Variants in CRAMP1 observed in about 807,000 individuals in gnomAD.
The protein encoded by CRAMP1 is protein cramped-like.
CRAMP1 carries 50 observed loss-of-function variants against 115.4 expected under a neutral mutation model. The ratio of observed to expected loss-of-function variants is 0.43; its 90% CI spans 0.35 to 0.55. CRAMP1 has a LOEUF of 0.55. Ranked by LOEUF, CRAMP1 falls within the 20% of genes least tolerant of loss-of-function variation. The pLI is 0.01. For missense variants in CRAMP1, 1,679 were observed against 1,721.7 expected (o/e 0.98, Z 0.44); for synonymous variants, 866 against 745.4 (o/e 1.16, Z -2.64).
chr16:1,665,818 G>A, intron 14 of CRAMP1: 1 of 501,874 alleles, frequency 2.0e-6, no homozygotes, highest in Non-Finnish European at 3.6e-6. Flanking sequence ...CATTTCCGCA[G>A]GATGACAGTG....
Position 1,652,693 on chromosome 16 carries a change from G to A in CRAMP1, c.913+112G>A, listed in dbSNP as rs1596492340. The A allele has an allele frequency of 5.2e-6, 5 of 955,514 alleles. No individual in the cohort carries two copies. The East Asian group carries it at 1.3e-4, about 25-fold the overall frequency. 59.2% of individuals were successfully genotyped at this position (955,514 alleles called of 1,614,324 possible). A position where few individuals can be genotyped will look rare whatever the true frequency, so the allele number is the denominator to read the frequency against. On this transcript the variant is annotated intron_variant, in intron 7 of 20. Coordinates refer to ENST00000397412, the MANE Select transcript of CRAMP1 (RefSeq NM_020825.4). ...CCACAGTTGCTTTGTGTCTGACCCT[G>A]CTTAATCCCAGGGCTGCACATGGAC... is the stretch of plus-strand genomic sequence containing the variant.
chr16:1,673,173 G>C (rs940861967), intron 20 of CRAMP1, among the ~76,000 whole-genome samples: 17 of 149,792 alleles, frequency 1.1e-4, no homozygotes, highest in Admixed American at 2.7e-4. Context: ...ACGGGAACGT[G>C]TCCCCCACCT....
chr16:1,667,272 G>T, intron 16 of CRAMP1, 63 bp from the exon 17 acceptor site: 1 of 1,349,518 alleles, frequency 7.4e-7, no homozygotes, highest in South Asian at 1.2e-5. Context: ...CTCTGTCGCG[G>T]GTGAGGGTAT....
chr16:1,671,497 C>T lies in CRAMP1; in HGVS notation c.3645+688C>T, dbSNP rs1320378952. Among the ~76,000 whole-genome samples, 1 of 152,160 alleles carries T rather than the reference C, an allele frequency of 6.6e-6. No individual in the cohort carries two copies. The highest frequency in any genetic ancestry group is 1.5e-5 in the Non-Finnish European group (1 of 68,038). On this transcript the variant is annotated intron_variant, in intron 20 of 20. Transcript: ENST00000397412. The surrounding 1 kb of genome is among the most constrained non-coding windows in gnomAD (Gnocchi z 5.0). ...GGCATTCGTGGGCAGGTCAGGCTTG[C>T]AGGGTGAAGACAGGCCCGTTTCACT...
At position 1,665,040 on chromosome 16, in the gene CRAMP1, G is replaced by A; in HGVS notation, c.2671-17G>A. The A allele has an allele frequency of 6.4e-7, 1 of 1,573,208 alleles. No individual in the cohort carries two copies. Among genetic ancestry groups the A allele is most frequent in the African/African-American group, 1.4e-5 (1 of 74,070 alleles). ...TGGGAGTTTCATCACCTTGATTGTT[G>A]ACCATTTTCCCCACAGAGAACACTG... On this transcript the variant is annotated splice_polypyrimidine_tract_variant and intron_variant, in intron 13 of 20. Transcript: ENST00000397412.
Position 1,641,026 on chromosome 16 carries a change from T to C in CRAMP1, c.779-113T>C, listed in dbSNP as rs931893061. 9.9e-6 allele frequency: 7 copies of C among 710,060 alleles called. No homozygotes were observed. In the African/African-American group the frequency reaches 1.3e-4, roughly 13 times the overall value. The allele number at this position is 710,060 out of a possible 1,614,324, so 44.0% of individuals were successfully genotyped here. A position where few individuals can be genotyped will look rare whatever the true frequency, so the allele number is the denominator to read the frequency against. The stretch of plus-strand genomic sequence containing the variant: ...TAGGGCTTTTATTCCAGAGGAACTT[T>C]AATATTCGGTAATGGGATTTGAGTC... On this transcript the variant is annotated intron_variant, in intron 5 of 20. Coordinates refer to ENST00000397412, the MANE Select transcript of CRAMP1 (RefSeq NM_020825.4).
intron 7 of CRAMP1, 119 bp downstream of exon 7, chr16:1,652,700 C>G (rs2036735144): frequency 1.1e-6 from 1 of 886,358 alleles, no homozygotes; most frequent in East Asian, 2.6e-5. Context: ...CCTGCTTAAT[C>G]CCAGGGCTGC....
intron 2 of CRAMP1, among the ~76,000 whole-genome samples, chr16:1,625,342 A>T (rs1431624314): frequency 6.6e-6 from 1 of 152,028 alleles, no homozygotes; most frequent in African/African-American, 2.4e-5. Context: ...GTCTCAGAGG[A>T]CTTGGCATGA....
At chr16:1,619,651 T>C (rs1475940678) in intron 2 of CRAMP1, among the ~76,000 whole-genome samples, 1 of 152,224 alleles carries the variant, frequency 6.6e-6, no homozygotes, top group Non-Finnish European at 1.5e-5. Context: ...AGTGGAGTTC[T>C]AGTTGTATTT....
chr16:1,616,158 A>T (rs111297224), intron 2 of CRAMP1, among the ~76,000 whole-genome samples: 2 of 152,216 alleles, frequency 1.3e-5, no homozygotes, highest in South Asian at 2.1e-4. Flanking sequence ...CCTCATATGA[A>T]TTTATTTTGA....
At chr16:1,612,987 G>T (rs2036372617) in intron 1 of CRAMP1, among the ~76,000 whole-genome samples, 1 of 152,104 alleles carries the variant, frequency 6.6e-6, no homozygotes, top group South Asian at 2.1e-4. Flanking sequence ...CCCCGTGCTC[G>T]GTCGGCGTCT....
chr16:1,670,880 C>T (rs2036917013), intron 20 of CRAMP1, 71 bp downstream of exon 20: 4 of 1,468,540 alleles, frequency 2.7e-6, no homozygotes, highest in Non-Finnish European at 3.8e-6. Context: ...CACTCTCCTG[C>T]ACACCTGTGG....
intron 2 of CRAMP1, among the ~76,000 whole-genome samples, chr16:1,622,550 G>A (rs1374535464): frequency 1.3e-5 from 2 of 152,128 alleles, no homozygotes; most frequent in Non-Finnish European, 2.9e-5. Context: ...AGAATAATGG[G>A]CACCAAATAT....
At chr16:1,660,104 C>T in intron 11 of CRAMP1, 41 bp downstream of exon 11, 4 of 1,454,280 alleles carry the variant, frequency 2.8e-6, no homozygotes, top group Non-Finnish European at 3.6e-6. Flanking sequence ...CTGGGCTGCC[C>T]TGATGGCACC....
chr16:1,646,786 T>C (rs1266033415), intron 6 of CRAMP1, among the ~76,000 whole-genome samples: 2 of 152,270 alleles, frequency 1.3e-5, no homozygotes, highest in African/African-American at 4.8e-5. Flanking sequence ...AGAAGTTTTC[T>C]AGTTTTACAT....
chr16:1,674,134 C>A lies in CRAMP1; in HGVS notation c.*89C>A. On this transcript the variant is annotated 3_prime_UTR_variant, in exon 21 of 21. Coordinates refer to ENST00000397412, the MANE Select transcript of CRAMP1 (RefSeq NM_020825.4). ...CCCCAGAAGATGGTCTGAACAGAGGCATCTCCGCACCCAAGACTGTGCAAC... is the reference window on the plus strand; with the variant it reads ...CCCCAGAAGATGGTCTGAACAGAGGAATCTCCGCACCCAAGACTGTGCAAC... The A allele has an allele frequency of 7.7e-7, 1 of 1,302,874 alleles. No individual in the cohort carries two copies. The highest frequency in any genetic ancestry group is 1.1e-6 in the Non-Finnish European group (1 of 945,420). The allele number at this position is 1,302,874 out of a possible 1,614,324, so 80.7% of individuals were successfully genotyped here.
chr16:1,634,035 AAAAAG>A (rs1406584890), intron 4 of CRAMP1, among the ~76,000 whole-genome samples: 2 of 152,132 alleles, frequency 1.3e-5, no homozygotes, highest in South Asian at 2.1e-4. Flanking sequence ...TCAAAAAAAA[AAAAAG>A]AAAGAAAGTC....
Position 1,614,701 on chromosome 16 carries a change from G to A in CRAMP1, c.62G>A (p.Arg21Gln). The change falls in exon 2 of 21, where the codon CGG (arginine) becomes CAG (glutamine). Residue 21 changes from arginine (R) to glutamine (Q), a missense_variant. Coordinates refer to ENST00000397412, the MANE Select transcript of CRAMP1 (RefSeq NM_020825.4). This position sits in a 1 kb window ranked among gnomAD's most constrained non-coding sequence, Gnocchi z 4.4. ...GEDGLKKLGKRAADEESLEGE... is the reference protein window; with the variant it reads ...GEDGLKKLGKQAADEESLEGE... The stretch of plus-strand genomic sequence containing the variant: ...GACGGGCTCAAGAAGCTGGGCAAGC[G>A]GGCGGCCGATGAGGAGTCCCTGGAA... 7.5e-7 allele frequency: 1 copy of A among 1,336,208 alleles called. No individual in the cohort carries two copies. Among genetic ancestry groups the A allele is most frequent in the Non-Finnish European group, 9.7e-7 (1 of 1,035,960 alleles). 82.8% of individuals were successfully genotyped at this position (1,336,208 alleles called of 1,614,324 possible).
chr16:1,643,207 C>T (rs942598888), intron 6 of CRAMP1, among the ~76,000 whole-genome samples: 18 of 152,144 alleles, frequency 1.2e-4, no homozygotes, highest in African/African-American at 4.3e-4. Context: ...ACTAGAGGTG[C>T]TGGCTAAAGT....
Sources: allele counts gnomAD v4.1 joint callset (sites outside exome capture counted in the v4.1 genomes callset), GRCh38; gene constraint gnomAD v4.1.1; non-coding constraint Gnocchi (gnomAD v3.1); transcripts MANE v1.5; gene names NCBI Gene and HGNC (gene_info 2026-07-23, HGNC 2026-07-21).